The following DUSP16 variants were observed in gnomAD, a reference collection of about 807,000 sequenced individuals.
DUSP16 encodes dual specificity phosphatase 16, also known as dual specificity protein phosphatase 16.
Under a neutral mutation model 58.3 loss-of-function variants are expected in DUSP16, and 21 were observed. That is an observed-to-expected ratio of 0.36 (90% CI 0.26 to 0.52). The LOEUF (loss-of-function observed/expected upper bound fraction) is 0.52. DUSP16 is among the 20% of genes least tolerant of loss of function. DUSP16 has a pLI of 0.94. For missense variants in DUSP16, 726 were observed against 819.0 expected, an observed-to-expected ratio of 0.89 and a Z score of 1.39; for synonymous variants, 320 against 323.8, an observed-to-expected ratio of 0.99 and a Z score of 0.12.
intron 1 of DUSP16, among the ~76,000 whole-genome samples, chr12:12,549,553 T>C (rs985597239): frequency 2.0e-5 from 3 of 152,150 alleles, no homozygotes; most frequent in East Asian, 1.9e-4. Flanking sequence ...CTTTCATTTA[T>C]CTTCTGCCAT....
intron 5 of DUSP16, among the ~76,000 whole-genome samples, chr12:12,482,597 C>T (rs1231210927): frequency 6.6e-6 from 1 of 152,204 alleles, no homozygotes. Context: ...TGCAGTGGGA[C>T]TGAGCAAAGT....
chr12:12,520,112 C>T, intron 2 of DUSP16, 112 bp from the exon 3 acceptor site: 3 of 1,085,426 alleles, frequency 2.8e-6, no homozygotes, highest in Non-Finnish European at 4.0e-6. Flanking sequence ...TTCCTGTTTT[C>T]AATTAATAAT....
chr12:12,551,528 C>T (rs1304078969), intron 1 of DUSP16, among the ~76,000 whole-genome samples: 1 of 150,034 alleles, frequency 6.7e-6, no homozygotes, highest in East Asian at 1.9e-4. Flanking sequence ...CAAGAGAAAA[C>T]TGGTATTTTG....
chr12:12,526,067 G>A (rs1381809124), intron 1 of DUSP16, among the ~76,000 whole-genome samples: 1 of 152,106 alleles, frequency 6.6e-6, no homozygotes, highest in African/African-American at 2.4e-5. Flanking sequence ...AAACTGCAAA[G>A]TATCCCAAGT....
chr12:12,498,710 T>C (rs1054631033), intron 4 of DUSP16, among the ~76,000 whole-genome samples: 25 of 152,266 alleles, frequency 1.6e-4, no homozygotes, highest in Middle Eastern at 3.4e-3. Flanking sequence ...GAGCCACAAA[T>C]ATAAATTTAT....
At position 12,562,695 on chromosome 12, in the gene DUSP16, G is replaced by A. The variant is rs887303611; in HGVS notation, c.-944C>T. Among the ~76,000 whole-genome samples the A allele has an allele frequency of 3.3e-5, 5 of 151,910 alleles. No individual in the cohort carries two copies. In the South Asian group the frequency reaches 6.2e-4, roughly 19 times the overall value. On this transcript the variant is annotated 5_prime_UTR_variant, in exon 1 of 7. Transcript: ENST00000298573. ...ACCAATCCCAGTGAATGAACTCAGC[G>A]GAGCCCCGGGGAAAGGAGGAGACAG...
intron 1 of DUSP16, among the ~76,000 whole-genome samples, chr12:12,522,201 C>G (rs1209944034): frequency 1.3e-5 from 2 of 152,244 alleles, no homozygotes; most frequent in African/African-American, 2.4e-5. Context: ...CGGAGGCCAT[C>G]TCCCTACCAC....
chr12:12,541,582 G>A (rs1015306416), intron 1 of DUSP16, among the ~76,000 whole-genome samples: 2 of 152,090 alleles, frequency 1.3e-5, no homozygotes, highest in African/African-American at 4.8e-5. Context: ...TGAGCTGTCT[G>A]TCTAGACCCA....
chr12:12,560,201 C>CT (rs1944876396), intron 1 of DUSP16, among the ~76,000 whole-genome samples: 1 of 151,746 alleles, frequency 6.6e-6, no homozygotes, highest in African/African-American at 2.4e-5. Flanking sequence ...AGATATTGTA[C>CT]TTTGAGTTGC....
chr12:12,547,073 T>A (rs899372830), intron 1 of DUSP16, among the ~76,000 whole-genome samples: 4 of 152,194 alleles, frequency 2.6e-5, no homozygotes, highest in Non-Finnish European at 5.9e-5. Flanking sequence ...AAAATATAGC[T>A]GTTCTTAACA....
chr12:12,562,025 C>T (rs1944911652), intron 1 of DUSP16, 92 bp downstream of exon 1: 1 of 150,058 alleles, frequency 6.7e-6, no homozygotes, highest in Non-Finnish European at 1.5e-5. Flanking sequence ...TCGGGGCGCG[C>T]TGCGGAGCGT....
intron 1 of DUSP16, among the ~76,000 whole-genome samples, chr12:12,537,737 C>T (rs1944489549): frequency 6.6e-6 from 1 of 152,208 alleles, no homozygotes; most frequent in Non-Finnish European, 1.5e-5. Context: ...TTGCTATCAA[C>T]ATATTTAAGT....
At chr12:12,515,967 GGTTT>G in intron 3 of DUSP16, among the ~76,000 whole-genome samples, 1 of 151,244 alleles carries the variant, frequency 6.6e-6, no homozygotes, top group African/African-American at 2.4e-5. Flanking sequence ...GTAGAGATGG[GGTTT>G]TGCCATGTTG....
rs1212047438 is a variant in DUSP16, at chr12:12,474,342, A to C, written c.*2491T>G. On this transcript the variant is annotated 3_prime_UTR_variant, in exon 7 of 7. Transcript: ENST00000298573. ...CAACAGCTGGCCTTACTTCAAAAGAACACTATATTCATATTAAACATTTAC... is the reference window on the plus strand; with the variant it reads ...CAACAGCTGGCCTTACTTCAAAAGACCACTATATTCATATTAAACATTTAC... The C allele has an allele frequency of 6.6e-6, 1 of 151,956 alleles. No individual in the cohort carries two copies. The highest frequency in any genetic ancestry group is 1.5e-5 in the Non-Finnish European group (1 of 68,050). The allele number at this position is 151,956 out of a possible 1,614,324, so 9.4% of individuals were successfully genotyped here.
At chr12:12,522,674 C>T (rs1944253462) in intron 1 of DUSP16, among the ~76,000 whole-genome samples, 1 of 152,022 alleles carries the variant, frequency 6.6e-6, no homozygotes, top group Admixed American at 6.6e-5. Context: ...AGTGATTCTC[C>T]TGCCTCAGCC....
At chr12:12,497,747 G>A (rs375069092) in intron 4 of DUSP16, among the ~76,000 whole-genome samples, 2 of 151,782 alleles carry the variant, frequency 1.3e-5, no homozygotes, top group Non-Finnish European at 2.9e-5. Context: ...TGAGGCGGGC[G>A]GATCACGAGG....
At chr12:12,482,673 T>G (rs2136192018) in intron 5 of DUSP16, among the ~76,000 whole-genome samples, 1 of 152,226 alleles carries the variant, frequency 6.6e-6, no homozygotes, top group East Asian at 1.9e-4. Flanking sequence ...GTTTCAAAGG[T>G]GGGAAGCAGG....
In DUSP16 at chr12:12,475,965, G is replaced by A. The variant is rs891493474; in HGVS notation, c.*868C>T. ...TAAACAATTCTTTGATTTACAAAGA[G>A]GGAGGTAGACTCGTTAGCCTCCCAA... On this transcript the variant is annotated 3_prime_UTR_variant, in exon 7 of 7. Transcript: ENST00000298573. The A allele has an allele frequency of 2.0e-5, 3 of 152,198 alleles. No individual in the cohort carries two copies. The highest frequency in any genetic ancestry group is 4.8e-5 in the African/African-American group (2 of 41,438). 9.4% of individuals were successfully genotyped at this position (152,198 alleles called of 1,614,324 possible). A position where few individuals can be genotyped will look rare whatever the true frequency, so the allele number is the denominator to read the frequency against.
rs541602232 is a variant in DUSP16, at chr12:12,521,295, T to C, written c.-197A>G. ...AATGTCTCTTTCTCTTTCCCGTTGA[T>C]GTGCTCTTGCAAAGGACTCCGTCCA... is the stretch of plus-strand genomic sequence containing the variant. On this transcript the variant is annotated 5_prime_UTR_variant, in exon 2 of 7. Coordinates refer to ENST00000298573, the MANE Select transcript of DUSP16 (RefSeq NM_030640.3). The C allele has an allele frequency of 3.8e-5, 54 of 1,429,416 alleles. No individual in the cohort carries two copies. The African/African-American group carries it at 6.6e-4, about 17-fold the overall frequency. The allele number at this position is 1,429,416 out of a possible 1,614,324, so 88.5% of individuals were successfully genotyped here. A position where few individuals can be genotyped will look rare whatever the true frequency, so the allele number is the denominator to read the frequency against.
Sources: gnomAD v4.1 joint callset for allele counts (sites outside exome capture counted in the v4.1 genomes callset) on GRCh38, gnomAD v4.1.1 for gene constraint, MANE v1.5 for transcripts, NCBI Gene and HGNC (gene_info 2026-07-23, HGNC 2026-07-21) for gene names.